KALRN: variants seen among roughly 807,000 people sequenced by gnomAD.
KALRN encodes kalirin.
KALRN carries 70 observed loss-of-function variants against 353.7 expected under a neutral mutation model. That is an observed-to-expected ratio of 0.20 (90% CI 0.16 to 0.24). The LOEUF (loss-of-function observed/expected upper bound fraction) is 0.24, where lower values mean the gene tolerates loss of function less well. KALRN is among the 10% of genes least tolerant of loss of function. KALRN has a pLI of 1.00. For missense variants in KALRN, 2,791 were observed against 3,756.7 expected, an observed-to-expected ratio of 0.74 and a Z score of 6.72; for synonymous variants, 1,391 against 1,434.8, an observed-to-expected ratio of 0.97 and a Z score of 0.69.
At chr3:124,623,724 C>A (rs2079593339) in intron 34 of KALRN, among the ~76,000 whole-genome samples, 2 of 152,144 alleles carry the variant, frequency 1.3e-5, no homozygotes, top group Non-Finnish European at 2.9e-5. Flanking sequence ...AATGTTAACA[C>A]CCTCACAGAC....
intron 19 of KALRN, among the ~76,000 whole-genome samples, chr3:124,443,917 C>T (rs2093748055): frequency 1.3e-5 from 2 of 152,326 alleles, no homozygotes; most frequent in South Asian, 4.1e-4. Flanking sequence ...GGTTTCTACT[C>T]CTTCCTTGCC....
Position 124,704,326 on chromosome 3 carries a change from T to G in KALRN, c.8075+2210T>G, listed in dbSNP as rs531024315. On this transcript the variant is annotated intron_variant, in intron 57 of 59. Transcript: ENST00000682506. The stretch of plus-strand genomic sequence containing the variant: ...TGTGTTTGCTATTATTAGCCATAGG[T>G]TAAGTCATGTTTTAGCTAAAACAGA... 9.8e-5 allele frequency among the ~76,000 whole-genome samples: 15 copies of G among 152,298 alleles called. No homozygotes were observed. In the East Asian group the frequency reaches 2.9e-3, roughly 29 times the overall value.
intron 6 of KALRN, among the ~76,000 whole-genome samples, chr3:124,312,468 T>C (rs990536162): frequency 8.5e-5 from 13 of 152,190 alleles, no homozygotes; most frequent in African/African-American, 2.4e-4. Context: ...GTCTGAATTA[T>C]ACACTTTAAA....
chr3:124,633,727 C>T (rs1232955975), intron 35 of KALRN, 125 bp from the exon 36 acceptor site: 2 of 748,880 alleles, frequency 2.7e-6, no homozygotes, highest in African/African-American at 3.5e-5. Context: ...GAAATTGCGA[C>T]TGAACAGTTA....
rs1051688086 is a variant in KALRN, at chr3:124,642,806, G to A, written c.5664+5503G>A. Among the ~76,000 whole-genome samples, 41 of 96,842 alleles carry A rather than the reference G, an allele frequency of 4.2e-4. 1 individual carries two copies. The highest frequency in any genetic ancestry group is 6.5e-4 in the Non-Finnish European group (34 of 52,486). 63.5% of individuals were successfully genotyped at this position (96,842 alleles called of 152,430 possible). A position where few individuals can be genotyped will look rare whatever the true frequency, so the allele number is the denominator to read the frequency against. On this transcript the variant is annotated intron_variant, in intron 37 of 59. Coordinates refer to ENST00000682506, the MANE Select transcript of KALRN (RefSeq NM_001388419.1). Reference sequence around the variant, plus strand: ...TCTGTGGAAGAGATTCCCAAGCCTCGTTTTTTTTTTTTTTTTTTTTGAGAC... The same window carrying A: ...TCTGTGGAAGAGATTCCCAAGCCTCATTTTTTTTTTTTTTTTTTTTGAGAC...
At chr3:124,112,818 C>T (rs147437211) in intron 1 of KALRN, among the ~76,000 whole-genome samples, 10 of 152,156 alleles carry the variant, frequency 6.6e-5, no homozygotes, top group African/African-American at 2.4e-4. Flanking sequence ...TCACGAGCAG[C>T]TGAGTACAGC....
intron 1 of KALRN, among the ~76,000 whole-genome samples, chr3:124,093,527 G>A (rs567836073): frequency 3.3e-5 from 5 of 152,350 alleles, no homozygotes; most frequent in Admixed American, 2.6e-4. Flanking sequence ...GCAAGGACTG[G>A]GCACCCCGTC....
chr3:124,241,157 C>G (rs2080390296), intron 3 of KALRN, among the ~76,000 whole-genome samples: 2 of 152,112 alleles, frequency 1.3e-5, no homozygotes, highest in South Asian at 4.1e-4. Flanking sequence ...CTCCTACTTC[C>G]CCCAAAAATA....
chr3:124,668,483 C>T (rs531847480), intron 47 of KALRN, among the ~76,000 whole-genome samples: 1 of 152,316 alleles, frequency 6.6e-6, no homozygotes, highest in South Asian at 2.1e-4. Flanking sequence ...TGGCATCCTC[C>T]CTACAATATC....
chr3:124,346,997 C>T (rs1392085998), intron 9 of KALRN, 146 bp from the exon 10 acceptor site: 3 of 1,149,338 alleles, frequency 2.6e-6, no homozygotes, highest in East Asian at 2.4e-5. Context: ...CATGGACTCA[C>T]AGCAGATTGA....
chr3:124,666,555 T>C lies in KALRN; in HGVS notation c.6452T>C (p.Phe2151Ser), dbSNP rs2085651376. Residue 2151 changes from phenylalanine (F) to serine (S), a missense_variant, in exon 46 of 60, where the codon TTC (phenylalanine) becomes TCC (serine). Phe to Ser is a radical substitution (Grantham distance 155). This residue lies in a region of KALRN where 1,065 missense variants were observed against 1,156.4 expected (regional missense o/e 0.92). Coordinates refer to ENST00000682506, the MANE Select transcript of KALRN (RefSeq NM_001388419.1). Reference protein sequence around the residue: ...SRTKERRVFLFEQIVIFSELL... With the variant: ...SRTKERRVFLSEQIVIFSELL... ...ACCAAAGAGAGGCGCGTGTTCCTCTTCGAGCAGATTGTCATCTTCAGTGAA... is the reference window on the plus strand; with the variant it reads ...ACCAAAGAGAGGCGCGTGTTCCTCTCCGAGCAGATTGTCATCTTCAGTGAA... The C allele has an allele frequency of 6.2e-7, 1 of 1,613,942 alleles. No individual in the cohort carries two copies.
chr3:124,285,331 T>C (rs977824798), intron 5 of KALRN, among the ~76,000 whole-genome samples: 2 of 152,116 alleles, frequency 1.3e-5, no homozygotes, highest in African/African-American at 4.8e-5. Context: ...TAAGTATGCC[T>C]GTGTTAAAAC....
chr3:124,660,877 A>C (rs2084778798), intron 43 of KALRN, 46 bp from the exon 44 acceptor site: 1 of 1,358,276 alleles, frequency 7.4e-7, no homozygotes, highest in Admixed American at 1.7e-5. Context: ...CTATTTTACT[A>C]ATTTTACCCC....
chr3:124,076,031 A>G (rs569585769), intron 1 of KALRN, among the ~76,000 whole-genome samples: 1 of 152,286 alleles, frequency 6.6e-6, no homozygotes, highest in Non-Finnish European at 1.5e-5. Context: ...CCATCTCGCT[A>G]CTGGCCTGAC....
intron 1 of KALRN, among the ~76,000 whole-genome samples, chr3:124,076,947 T>A (rs1423492925): frequency 6.6e-6 from 1 of 152,162 alleles, no homozygotes; most frequent in African/African-American, 2.4e-5. Flanking sequence ...TTGGTCAGAG[T>A]CCATTCACAA....
At chr3:124,045,802 G>A (rs1369800372) in intron 1 of KALRN, among the ~76,000 whole-genome samples, 2 of 151,732 alleles carry the variant, frequency 1.3e-5, no homozygotes, top group African/African-American at 4.9e-5. Flanking sequence ...TGTAGTATAA[G>A]TTCAGTAAAG....
chr3:124,515,375 A>G (rs1577640471), intron 33 of KALRN, among the ~76,000 whole-genome samples: 1 of 152,368 alleles, frequency 6.6e-6, no homozygotes, highest in East Asian at 1.9e-4. Flanking sequence ...ACTGTCCTAT[A>G]AAGTGGGTCT....
At chr3:124,036,933 A>G (rs1011912544) in intron 1 of KALRN, among the ~76,000 whole-genome samples, 2 of 152,200 alleles carry the variant, frequency 1.3e-5, no homozygotes, top group African/African-American at 2.4e-5. Context: ...GCACATGGAC[A>G]CAGACATCCC....
At chr3:124,201,219 A>G (rs1264747500) in intron 1 of KALRN, among the ~76,000 whole-genome samples, 2 of 152,220 alleles carry the variant, frequency 1.3e-5, no homozygotes, top group Non-Finnish European at 2.9e-5. Context: ...CTCTTACTTA[A>G]GACAAATAAG....
Sources: allele counts gnomAD v4.1 joint callset (sites outside exome capture counted in the v4.1 genomes callset), GRCh38; gene constraint gnomAD v4.1.1; regional missense constraint gnomAD v4.1.1; transcripts MANE v1.5; gene names NCBI Gene and HGNC (gene_info 2026-07-23, HGNC 2026-07-21).